The following SGCZ variants were observed in gnomAD, a reference collection of about 807,000 sequenced individuals.
SGCZ encodes the protein zeta-sarcoglycan.
A neutral mutation model predicts 41.3 loss-of-function variants in SGCZ; 40 were observed. The observed-to-expected ratio is 0.97, with a 90% CI of 0.75 to 1.26. The LOEUF is 1.26. SGCZ is among the 50% of genes most tolerant of loss of function. SGCZ has a pLI of 0.00. For synonymous variants in SGCZ, 206 were observed against 137.5 expected (o/e 1.50, Z -3.49); for missense variants, 552 against 369.8 (o/e 1.49, Z -4.04).
intron 1 of SGCZ, among the ~76,000 whole-genome samples, chr8:14,977,376 C>A (rs1264876521): frequency 1.3e-5 from 2 of 152,176 alleles, no homozygotes; most frequent in Non-Finnish European, 2.9e-5. Flanking sequence ...GTACCCAGCA[C>A]TAAACAGCTA....
At chr8:14,777,035 T>C (rs1204178881) in intron 1 of SGCZ, among the ~76,000 whole-genome samples, 1 of 152,200 alleles carries the variant, frequency 6.6e-6, no homozygotes, top group Non-Finnish European at 1.5e-5. Flanking sequence ...ATGTATTCTA[T>C]CTGTGAGGAG....
intron 5 of SGCZ, among the ~76,000 whole-genome samples, chr8:14,130,970 C>A (rs1803023564): frequency 6.6e-6 from 1 of 152,148 alleles, no homozygotes; most frequent in African/African-American, 2.4e-5. Context: ...CCAGCCAATC[C>A]TTTGTGCCCT....
chr8:14,837,083 A>G (rs910704585), intron 1 of SGCZ, among the ~76,000 whole-genome samples: 7 of 152,158 alleles, frequency 4.6e-5, no homozygotes, highest in Non-Finnish European at 1.0e-4. Flanking sequence ...AGCTCTTACA[A>G]TTTGCCAGAC....
At chr8:14,162,541 G>C (rs1399029135) in intron 5 of SGCZ, 1 of 152,194 alleles carries the variant, frequency 6.6e-6, no homozygotes, top group Non-Finnish European at 1.5e-5. Context: ...ATGACAAACA[G>C]AACTCTCTTT....
At chr8:14,796,838 T>C (rs182039890) in intron 1 of SGCZ, among the ~76,000 whole-genome samples, 20 of 152,236 alleles carry the variant, frequency 1.3e-4, no homozygotes, top group Admixed American at 1.1e-3. Context: ...CCCATGCTAC[T>C]CTCAAGAGGG....
intron 1 of SGCZ, among the ~76,000 whole-genome samples, chr8:14,806,929 A>C (rs886112695): frequency 6.6e-6 from 1 of 151,282 alleles, no homozygotes; most frequent in African/African-American, 2.4e-5. Context: ...GGTTCAATAT[A>C]TGCAAATCAA....
chr8:14,755,834 T>C lies in SGCZ; in HGVS notation c.40-200908A>G, dbSNP rs186487962. 2.6e-5 allele frequency among the ~76,000 whole-genome samples: 4 copies of C among 151,932 alleles called. No individual in the cohort carries two copies. The East Asian group carries it at 7.8e-4, about 30-fold the overall frequency. ...TTCATGTAAAACAGGCACTATGCCA[T>C]ATACAGGACATAGATAACAAACAAG... is the stretch of plus-strand genomic sequence containing the variant. On this transcript the variant is annotated intron_variant, in intron 1 of 7. Coordinates refer to ENST00000382080, the MANE Select transcript of SGCZ (RefSeq NM_139167.4).
chr8:14,445,870 G>T (rs1237950980), intron 2 of SGCZ, among the ~76,000 whole-genome samples: 3 of 152,124 alleles, frequency 2.0e-5, no homozygotes, highest in Non-Finnish European at 4.4e-5. Context: ...GCCCAGAGCT[G>T]CCAGCTGGAT....
At chr8:14,477,500 A>G (rs933466915) in intron 2 of SGCZ, among the ~76,000 whole-genome samples, 1 of 152,078 alleles carries the variant, frequency 6.6e-6, no homozygotes, top group Non-Finnish European at 1.5e-5. Context: ...AAATACCACA[A>G]TTGTCTTATT....
intron 4 of SGCZ, among the ~76,000 whole-genome samples, chr8:14,201,874 C>A (rs1402443695): frequency 2.6e-5 from 4 of 152,126 alleles, no homozygotes; most frequent in Admixed American, 6.5e-5. Context: ...ACAACAATAA[C>A]AACAAAACTG....
intron 1 of SGCZ, among the ~76,000 whole-genome samples, chr8:15,124,252 A>G (rs549875302): frequency 6.6e-6 from 1 of 152,338 alleles, no homozygotes; most frequent in African/African-American, 2.4e-5. Context: ...GCCTGCTCCA[A>G]TATTTTAAAA....
At chr8:14,934,251 T>C (rs996694756) in intron 1 of SGCZ, among the ~76,000 whole-genome samples, 3 of 151,872 alleles carry the variant, frequency 2.0e-5, no homozygotes, top group African/African-American at 7.3e-5. Flanking sequence ...CCAGAAAGAA[T>C]AGACAGCAGA....
At chr8:14,247,045 G>C (rs1016225015) in intron 3 of SGCZ, among the ~76,000 whole-genome samples, 6 of 151,890 alleles carry the variant, frequency 4.0e-5, no homozygotes, top group African/African-American at 1.5e-4. Context: ...ATCTAGAGCT[G>C]TTTACCTGAC....
At chr8:14,629,531 A>G (rs1806576321) in intron 1 of SGCZ, among the ~76,000 whole-genome samples, 1 of 151,524 alleles carries the variant, frequency 6.6e-6, no homozygotes, top group South Asian at 2.1e-4. Context: ...TGCATAAGAT[A>G]TCGGGAAGTA....
chr8:14,961,916 T>C (rs1488891378), intron 1 of SGCZ, among the ~76,000 whole-genome samples: 1 of 152,188 alleles, frequency 6.6e-6, no homozygotes, highest in Non-Finnish European at 1.5e-5. Context: ...AGCCAATGTA[T>C]GTCATAATTT....
intron 2 of SGCZ, among the ~76,000 whole-genome samples, chr8:14,450,803 C>T (rs1002167349): frequency 6.6e-6 from 1 of 152,148 alleles, no homozygotes; most frequent in African/African-American, 2.4e-5. Context: ...CTGAAGTACA[C>T]ACTAAGGACA....
intron 1 of SGCZ, among the ~76,000 whole-genome samples, chr8:15,101,805 C>T (rs1003555775): frequency 6.6e-6 from 1 of 152,170 alleles, no homozygotes; most frequent in African/African-American, 2.4e-5. Flanking sequence ...TCGTGCACAC[C>T]TGCAGTCCCA....
chr8:14,722,690 A>G (rs886713691), intron 1 of SGCZ, among the ~76,000 whole-genome samples: 40 of 152,286 alleles, frequency 2.6e-4, no homozygotes, highest in African/African-American at 9.4e-4. Flanking sequence ...TACTGAGATG[A>G]TAACATTCAA....
intron 1 of SGCZ, among the ~76,000 whole-genome samples, chr8:14,665,588 C>G (rs1169772104): frequency 6.6e-6 from 1 of 152,084 alleles, no homozygotes; most frequent in Non-Finnish European, 1.5e-5. Context: ...TGCAACAGAA[C>G]AAGTGTTCAA....
Sources: gnomAD v4.1 joint callset for allele counts (sites outside exome capture counted in the v4.1 genomes callset) on GRCh38, gnomAD v4.1.1 for gene constraint, MANE v1.5 for transcripts, NCBI Gene and HGNC (gene_info 2026-07-23, HGNC 2026-07-21) for gene names.